The following ROR2 variants were observed in gnomAD, a reference collection of about 807,000 sequenced individuals.
The protein encoded by ROR2 is ROR family WNT receptor 2.
Under a neutral mutation model 74.9 loss-of-function variants are expected in ROR2, and 33 were observed. The ratio of observed to expected loss-of-function variants is 0.44; its 90% confidence interval spans 0.33 to 0.59. ROR2 has a LOEUF of 0.59. ROR2 is among the 20% of genes least tolerant of loss of function. The pLI, the probability that ROR2 is intolerant of heterozygous loss-of-function variation, is 0.02. For missense variants in ROR2, 1,216 were observed against 1,313.8 expected, an observed-to-expected ratio of 0.93 and a Z score of 1.15; for synonymous variants, 586 against 558.7, an observed-to-expected ratio of 1.05 and a Z score of -0.69.
rs1826398351 is a variant in ROR2, at chr9:91,775,779, G to T, written c.137C>A (p.Pro46His). Reference sequence around the variant, plus strand: ...AATCGGGCCGTCCTGCCCATCAAGGGGTCCTAAAGGGTCGTTCGGATCCAG... The same window carrying T: ...AATCGGGCCGTCCTGCCCATCAAGGTGTCCTAAAGGGTCGTTCGGATCCAG... ...EVLDPNDPLG[P>H]LDGQDGPIPT... is the part of the protein sequence containing the mutation. The change falls in exon 2 of 9, where the codon CCC becomes CAC. Residue 46 changes from proline to histidine, a missense_variant. By Grantham distance (77) the Pro-to-His change is moderately conservative. Coordinates refer to ENST00000375708, the MANE Select transcript of ROR2 (RefSeq NM_004560.4). 2 of 1,614,024 alleles carry T rather than the reference G, an allele frequency of 1.2e-6. No homozygotes were observed. The highest frequency in any genetic ancestry group is 1.7e-6 in the Non-Finnish European group (2 of 1,180,042).
At chr9:91,878,339 G>A (rs1881389) in intron 1 of ROR2, among the ~76,000 whole-genome samples, 97,745 of 151,946 alleles carry the variant, frequency 0.64, 33,651 homozygotes, top group African/African-American at 0.9. Flanking sequence ...CACCTGGTGA[G>A]GATGATTCAC....
intron 2 of ROR2, among the ~76,000 whole-genome samples, chr9:91,768,575 T>C (rs1202913396): frequency 2.0e-5 from 3 of 152,158 alleles, no homozygotes; most frequent in Non-Finnish European, 2.9e-5. Context: ...ACCAGTCAGA[T>C]GAGGGAAACG....
intron 1 of ROR2, among the ~76,000 whole-genome samples, chr9:91,946,663 G>C (rs1454086407): frequency 2.8e-4 from 43 of 152,238 alleles, no homozygotes; most frequent in Admixed American, 2.8e-3. Flanking sequence ...CCAAGGGAAA[G>C]GATTACAAAG....
intron 1 of ROR2, among the ~76,000 whole-genome samples, chr9:91,912,094 A>G (rs747741082): frequency 2.6e-5 from 4 of 152,228 alleles, no homozygotes; most frequent in African/African-American, 4.8e-5. Context: ...ACTAAATGCA[A>G]TGTGGGATCC....
At chr9:91,749,963 G>A (rs535374879) in intron 4 of ROR2, among the ~76,000 whole-genome samples, 18 of 152,216 alleles carry the variant, frequency 1.2e-4, no homozygotes, top group African/African-American at 3.4e-4. Flanking sequence ...GTGAAGTGGC[G>A]TGATCTTGGC....
chr9:91,816,725 C>T (rs950612533), intron 1 of ROR2, among the ~76,000 whole-genome samples: 4 of 139,336 alleles, frequency 2.9e-5, no homozygotes, highest in Admixed American at 7.6e-5. Flanking sequence ...TCTAGAATTG[C>T]CTGGTTCTAC....
chr9:91,949,136 G>C (rs935293702), intron 1 of ROR2, among the ~76,000 whole-genome samples: 1 of 151,454 alleles, frequency 6.6e-6, no homozygotes, highest in Non-Finnish European at 1.5e-5. Flanking sequence ...GGCGCGGCCA[G>C]AAGGCGGCCG....
At position 91,941,233 on chromosome 9, in the gene ROR2, G is replaced by A. The variant is rs377717817; in HGVS notation, c.97+8634C>T. ...AAGATGGTCTCGATCTGCTGACCTC[G>A]TGATCCCCCCGCCTCAGCCTCCAGA... On this transcript the variant is annotated intron_variant, in intron 1 of 8. Transcript: ENST00000375708. Among the ~76,000 whole-genome samples the A allele has an allele frequency of 1.3e-4, 20 of 151,870 alleles. No homozygotes were observed. In the East Asian group the frequency reaches 2.9e-3, roughly 22 times the overall value.
intron 1 of ROR2, among the ~76,000 whole-genome samples, chr9:91,874,088 C>T (rs1267334239): frequency 1.3e-5 from 2 of 152,128 alleles, no homozygotes; most frequent in East Asian, 1.9e-4. Context: ...AGAAAGTGAT[C>T]GCATCCACCT....
At chr9:91,924,684 T>C (rs1831352413) in intron 1 of ROR2, among the ~76,000 whole-genome samples, 1 of 152,034 alleles carries the variant, frequency 6.6e-6, no homozygotes, top group African/African-American at 2.4e-5. Flanking sequence ...TCCCAGCTAC[T>C]TGGGAGGCTG....
At chr9:91,784,933 C>A (rs992682186) in intron 1 of ROR2, among the ~76,000 whole-genome samples, 2 of 152,174 alleles carry the variant, frequency 1.3e-5, no homozygotes, top group Non-Finnish European at 2.9e-5. Flanking sequence ...CTGCCAGCCC[C>A]AGCACCTGAA....
chr9:91,757,591 C>T (rs370412470), intron 2 of ROR2, 32 bp from the exon 3 acceptor site: 56 of 1,606,014 alleles, frequency 3.5e-5, no homozygotes, highest in South Asian at 1.2e-4. Flanking sequence ...AAAGAGCAAG[C>T]GTCAGTGAGG....
chr9:91,841,132 A>G (rs1828770729), intron 1 of ROR2, among the ~76,000 whole-genome samples: 1 of 152,224 alleles, frequency 6.6e-6, no homozygotes, highest in Admixed American at 6.5e-5. Flanking sequence ...GAGCTCACGT[A>G]TGCTCCTTTT....
intron 1 of ROR2, among the ~76,000 whole-genome samples, chr9:91,777,549 A>T (rs1255591426): frequency 1.3e-5 from 2 of 152,106 alleles, no homozygotes; most frequent in African/African-American, 4.8e-5. Context: ...GACATAATTC[A>T]CACACTATAA....
intron 1 of ROR2, among the ~76,000 whole-genome samples, chr9:91,819,688 T>G (rs200661057): frequency 1.3e-4 from 2 of 15,768 alleles, no homozygotes; most frequent in Non-Finnish European, 2.9e-4. Flanking sequence ...GTATCTGTCT[T>G]TGTGTGTTTT....
intron 8 of ROR2, among the ~76,000 whole-genome samples, chr9:91,726,207 T>C (rs967032512): frequency 6.6e-6 from 1 of 152,098 alleles, no homozygotes; most frequent in African/African-American, 2.4e-5. Flanking sequence ...ATGGGGAGCA[T>C]TGGAGCCCTG....
intron 2 of ROR2, among the ~76,000 whole-genome samples, chr9:91,773,374 T>C (rs1826303206): frequency 6.6e-6 from 1 of 152,100 alleles, no homozygotes; most frequent in African/African-American, 2.4e-5. Context: ...AGCTGCCGTG[T>C]GATTTTTTCA....
intron 1 of ROR2, among the ~76,000 whole-genome samples, chr9:91,779,176 T>C (rs532160342): frequency 1.3e-4 from 20 of 152,238 alleles, no homozygotes; most frequent in African/African-American, 4.1e-4. Flanking sequence ...GTGTTAACAA[T>C]AGGGGAAACT....
intron 4 of ROR2, among the ~76,000 whole-genome samples, chr9:91,744,288 C>T (rs1024232807): frequency 3.1e-5 from 4 of 127,302 alleles, no homozygotes; most frequent in African/African-American, 1.2e-4. Context: ...TGCAGTATCA[C>T]GATCTTGGCT....
Sources: gnomAD v4.1 joint callset for allele counts (sites outside exome capture counted in the v4.1 genomes callset) on GRCh38, gnomAD v4.1.1 for gene constraint, MANE v1.5 for transcripts, NCBI Gene and HGNC (gene_info 2026-07-23, HGNC 2026-07-21) for gene names.